GRID1: variants seen among roughly 807,000 people sequenced by gnomAD.
GRID1 encodes the protein glutamate receptor ionotropic, delta-1.
A neutral mutation model predicts 98.0 loss-of-function variants in GRID1; 28 were observed. The observed-to-expected ratio is 0.29, with a 90% confidence interval of 0.21 to 0.39. The LOEUF is 0.39. Among genes scored for constraint, GRID1 ranks in the 10% least tolerant of loss-of-function variants. The probability of loss-of-function intolerance (pLI) is 1.00; values close to 1 mark genes in which losing one functional copy is unlikely to be tolerated. For missense variants in GRID1, 1,111 were observed against 1,340.5 expected, an observed-to-expected ratio of 0.83 and a Z score of 2.67; for synonymous variants, 553 against 538.5, an observed-to-expected ratio of 1.03 and a Z score of -0.37.
rs1237101857 is a variant in GRID1, at chr10:86,365,548, AC to A, written c.79+765del. On this transcript the variant is annotated intron_variant, in intron 1 of 15. Transcript: ENST00000327946. The surrounding 1 kb of genome is among the most constrained non-coding windows in gnomAD (Gnocchi z 4.8). ...ATCTCTTCCCGCTCAGCATCCCCCT[AC>A]CCCCCGCTGCCCACGCTTCTTCCCT... 3.6e-5 allele frequency among the ~76,000 whole-genome samples: 5 copies of A among 140,468 alleles called. No individual in the cohort carries two copies. Among genetic ancestry groups the A allele is most frequent in the South Asian group, 4.7e-4 (2 of 4,248 alleles). 92.2% of individuals were successfully genotyped at this position (140,468 alleles called of 152,430 possible).
intron 5 of GRID1, among the ~76,000 whole-genome samples, chr10:85,909,668 C>T (rs1841509807): frequency 6.6e-6 from 1 of 152,158 alleles, no homozygotes. Flanking sequence ...AGAGTACACA[C>T]TCCATAATTC....
In GRID1 at chr10:86,083,151, GAA is replaced by G. The variant is rs560270859; in HGVS notation, c.726+55666_726+55667del. ...ATGTCACGTGGCCTGGCTCCCATCT[GAA>G]CTTGGAATTCAAAGCAGCATTTTCT... On this transcript the variant is annotated intron_variant, in intron 4 of 15. Transcript: ENST00000327946. 9.8e-5 allele frequency among the ~76,000 whole-genome samples: 15 copies of G among 152,340 alleles called. No homozygotes were observed. The East Asian group carries it at 2.7e-3, about 27-fold the overall frequency.
intron 2 of GRID1, among the ~76,000 whole-genome samples, chr10:86,219,690 G>T (rs954509717): frequency 1.3e-5 from 2 of 152,184 alleles, no homozygotes; most frequent in African/African-American, 4.8e-5. Context: ...CCCCATCCCA[G>T]GTCCTTTCTG....
At chr10:86,250,668 C>T (rs912267724) in intron 2 of GRID1, among the ~76,000 whole-genome samples, 24 of 147,872 alleles carry the variant, frequency 1.6e-4, no homozygotes, top group Non-Finnish European at 3.2e-4. Flanking sequence ...CCTGGCCAGC[C>T]GCCCAGTCCG....
At chr10:86,243,267 T>A (rs1013293926) in intron 2 of GRID1, among the ~76,000 whole-genome samples, 11 of 152,152 alleles carry the variant, frequency 7.2e-5, no homozygotes, top group African/African-American at 2.7e-4. Context: ...TGCAGACCCG[T>A]GCTCAATAGG....
intron 2 of GRID1, among the ~76,000 whole-genome samples, chr10:86,264,959 G>A (rs902094445): frequency 6.6e-6 from 1 of 152,136 alleles, no homozygotes; most frequent in African/African-American, 2.4e-5. Flanking sequence ...TGCCATCAAG[G>A]CCTGGATCAG....
At chr10:86,079,785 C>A (rs758154934) in intron 4 of GRID1, among the ~76,000 whole-genome samples, 1 of 152,238 alleles carries the variant, frequency 6.6e-6, no homozygotes, top group Non-Finnish European at 1.5e-5. Context: ...GACACTTAAA[C>A]AGGGTCACTT....
intron 2 of GRID1, among the ~76,000 whole-genome samples, chr10:86,358,626 C>T (rs1241776051): frequency 6.6e-6 from 1 of 151,682 alleles, no homozygotes. Context: ...GGCATGGTGG[C>T]GGGCGCCTGT....
chr10:86,286,050 AGGGATAGGGATG>A (rs1048988145), intron 2 of GRID1, among the ~76,000 whole-genome samples: 3 of 152,158 alleles, frequency 2.0e-5, no homozygotes, highest in Non-Finnish European at 1.5e-5. Flanking sequence ...ATGTCGGGAT[AGGGATAGGGATG>A]GGGATAGGGA....
chr10:86,272,678 C>A (rs1262315105), intron 2 of GRID1, among the ~76,000 whole-genome samples: 2 of 152,148 alleles, frequency 1.3e-5, no homozygotes, highest in Non-Finnish European at 2.9e-5. Flanking sequence ...AACTCAAAGA[C>A]ACTTGGGACA....
intron 8 of GRID1, among the ~76,000 whole-genome samples, chr10:85,742,113 G>A (rs1318637001): frequency 6.6e-6 from 1 of 152,154 alleles, no homozygotes; most frequent in Non-Finnish European, 1.5e-5. Flanking sequence ...CCACGATAGG[G>A]AGGATGTCTA....
At chr10:85,845,208 G>T (rs1842995078) in intron 8 of GRID1, among the ~76,000 whole-genome samples, 1 of 151,858 alleles carries the variant, frequency 6.6e-6, no homozygotes. Flanking sequence ...ATCTAAACTA[G>T]CAAATACAGT....
At chr10:86,104,344 C>T (rs1212645726) in intron 4 of GRID1, among the ~76,000 whole-genome samples, 1 of 152,206 alleles carries the variant, frequency 6.6e-6, no homozygotes, top group East Asian at 1.9e-4. Context: ...GCAGGGGTGG[C>T]CAGACACCCA....
chr10:86,070,248 C>G (rs558447389), intron 4 of GRID1, among the ~76,000 whole-genome samples: 1 of 152,234 alleles, frequency 6.6e-6, no homozygotes, highest in South Asian at 2.1e-4. Context: ...AGCCATCCAG[C>G]CTTGGAAGAA....
chr10:85,942,812 G>A (rs573116059), intron 4 of GRID1, among the ~76,000 whole-genome samples: 1 of 152,308 alleles, frequency 6.6e-6, no homozygotes, highest in Admixed American at 6.5e-5. Context: ...GGCATAGAAA[G>A]AAGAGAAAAG....
At chr10:86,169,830 C>T (rs574122737) in intron 3 of GRID1, among the ~76,000 whole-genome samples, 16 of 152,324 alleles carry the variant, frequency 1.1e-4, no homozygotes, top group African/African-American at 2.2e-4. Flanking sequence ...GGAGATTTAC[C>T]GCTGAAACAG....
intron 2 of GRID1, among the ~76,000 whole-genome samples, chr10:86,318,934 C>T (rs1008199098): frequency 1.3e-5 from 2 of 152,150 alleles, no homozygotes; most frequent in African/African-American, 2.4e-5. Flanking sequence ...TATGGAAAAA[C>T]AGATCAGGAA....
chr10:85,777,825 CACA>C (rs1172305059), intron 8 of GRID1, among the ~76,000 whole-genome samples: 1 of 152,152 alleles, frequency 6.6e-6, no homozygotes, highest in Non-Finnish European at 1.5e-5. Context: ...CAGCCAAGGA[CACA>C]ACATCACTCA....
intron 12 of GRID1, among the ~76,000 whole-genome samples, chr10:85,687,626 T>C (rs1035635698): frequency 6.6e-6 from 1 of 150,864 alleles, no homozygotes; most frequent in African/African-American, 2.5e-5. Flanking sequence ...CAAGACTCTG[T>C]CTCAAATACC....
Sources: allele counts gnomAD v4.1 joint callset (sites outside exome capture counted in the v4.1 genomes callset), GRCh38; gene constraint gnomAD v4.1.1; non-coding constraint Gnocchi (gnomAD v3.1); transcripts MANE v1.5; gene names NCBI Gene and HGNC (gene_info 2026-07-23, HGNC 2026-07-21).